Variants in DAPK1 observed in about 807,000 individuals in gnomAD.
DAPK1 encodes the protein death-associated protein kinase 1.
DAPK1 carries 56 observed loss-of-function variants against 144.9 expected under a neutral mutation model. That is an observed-to-expected ratio of 0.39 (90% CI 0.31 to 0.48). The LOEUF is 0.48. Among genes scored for constraint, DAPK1 ranks in the 20% least tolerant of loss-of-function variants. The pLI, the probability that DAPK1 is intolerant of heterozygous loss-of-function variation, is 0.95. For missense variants in DAPK1, 1,454 were observed against 1,875.4 expected (o/e 0.78, Z 4.15); for synonymous variants, 690 against 749.0 (o/e 0.92, Z 1.29).
intron 2 of DAPK1, among the ~76,000 whole-genome samples, chr9:87,536,302 G>A (rs1045047): frequency 0.049 from 7,482 of 152,210 alleles, 614 homozygotes; most frequent in African/African-American, 0.17. Flanking sequence ...ATGGGCGAGG[G>A]TAGAAGGTGT....
intron 3 of DAPK1, among the ~76,000 whole-genome samples, chr9:87,610,927 A>G (rs11141912): frequency 0.1 from 15,823 of 152,282 alleles, 1,033 homozygotes; most frequent in South Asian, 0.24. Flanking sequence ...CTTGTACACA[A>G]TCCAAATTCT....
intron 2 of DAPK1, among the ~76,000 whole-genome samples, chr9:87,531,059 GTATC>G (rs1252252830): frequency 6.6e-6 from 1 of 152,196 alleles, no homozygotes; most frequent in South Asian, 2.1e-4. Flanking sequence ...ATATTTTAAA[GTATC>G]TATCTAATTC....
intron 19 of DAPK1, among the ~76,000 whole-genome samples, chr9:87,671,981 T>A (rs907945381): frequency 6.6e-6 from 1 of 152,218 alleles, no homozygotes; most frequent in African/African-American, 2.4e-5. Context: ...TCCGCCACGC[T>A]CTAGCTAGGT....
intron 18 of DAPK1, among the ~76,000 whole-genome samples, chr9:87,660,772 C>T (rs1043211684): frequency 1.3e-5 from 2 of 152,224 alleles, no homozygotes; most frequent in Non-Finnish European, 2.9e-5. Context: ...CTTAGCATAA[C>T]GGCCTCCATT....
At chr9:87,575,720 C>T (rs1352594714) in intron 2 of DAPK1, among the ~76,000 whole-genome samples, 1 of 152,188 alleles carries the variant, frequency 6.6e-6, no homozygotes, top group African/African-American at 2.4e-5. Context: ...TGAACGTTAT[C>T]TCTCCCTCCC....
intron 2 of DAPK1, among the ~76,000 whole-genome samples, chr9:87,555,907 A>G (rs187144312): frequency 7.9e-5 from 12 of 152,368 alleles, no homozygotes; most frequent in African/African-American, 2.9e-4. Flanking sequence ...TATCAATATG[A>G]TTAAACAATT....
Position 87,504,086 on chromosome 9 carries a change from G to T in DAPK1, c.62+4947G>T, listed in dbSNP as rs552118360. ...CTCATAGAAGGGGAGAGACTTTCTG[G>T]CATGTTTTTTCTTCAGAAATGGGAA... On this transcript the variant is annotated intron_variant, in intron 2 of 25. Transcript: ENST00000408954. Among the ~76,000 whole-genome samples, 5 of 152,076 alleles carry T rather than the reference G, an allele frequency of 3.3e-5. No homozygotes were observed. The South Asian group carries it at 8.3e-4, about 25-fold the overall frequency.
At chr9:87,505,482 G>A (rs925606076) in intron 2 of DAPK1, among the ~76,000 whole-genome samples, 4 of 152,046 alleles carry the variant, frequency 2.6e-5, no homozygotes, top group Non-Finnish European at 4.4e-5. Flanking sequence ...TGCAACCTCC[G>A]CCCTCTGGGT....
At chr9:87,544,729 A>G (rs1432137559) in intron 2 of DAPK1, among the ~76,000 whole-genome samples, 1 of 152,208 alleles carries the variant, frequency 6.6e-6, no homozygotes, top group Non-Finnish European at 1.5e-5. Context: ...AAGACTTCAA[A>G]CTGGGAACAA....
chr9:87,581,345 A>G (rs1399811848), intron 2 of DAPK1, among the ~76,000 whole-genome samples: 2 of 152,178 alleles, frequency 1.3e-5, no homozygotes, highest in African/African-American at 2.4e-5. Flanking sequence ...TTAAGTAAAT[A>G]GGCAAATAAA....
intron 19 of DAPK1, among the ~76,000 whole-genome samples, chr9:87,678,476 C>T (rs1564066003): frequency 6.6e-6 from 1 of 152,228 alleles, no homozygotes; most frequent in Non-Finnish European, 1.5e-5. Context: ...GCAGCTCCAG[C>T]ACCACAGCAG....
intron 2 of DAPK1, among the ~76,000 whole-genome samples, chr9:87,563,467 G>A (rs1223458978): frequency 6.6e-6 from 1 of 152,190 alleles, no homozygotes; most frequent in African/African-American, 2.4e-5. Context: ...CCTCCCTGTT[G>A]CATCTTGGCT....
chr9:87,607,077 A>T (rs1271232809), intron 3 of DAPK1, among the ~76,000 whole-genome samples: 6 of 149,080 alleles, frequency 4.0e-5, no homozygotes, highest in Non-Finnish European at 8.8e-5. Flanking sequence ...GTAACTGAGA[A>T]CTCTGGCTTT....
chr9:87,646,599 A>G (rs1279503632), intron 13 of DAPK1, 40 bp downstream of exon 13: 2 of 1,513,130 alleles, frequency 1.3e-6, no homozygotes, highest in Admixed American at 1.7e-5. Flanking sequence ...ATTTTAAAGT[A>G]TTTTCAAGTG....
intron 21 of DAPK1, among the ~76,000 whole-genome samples, chr9:87,690,137 C>G (rs375146183): frequency 1.3e-5 from 2 of 152,062 alleles, no homozygotes; most frequent in Non-Finnish European, 2.9e-5. Flanking sequence ...AATATATGAC[C>G]ACAGCATGTA....
At chr9:87,675,895 A>ACACACC (rs1179826339) in intron 19 of DAPK1, among the ~76,000 whole-genome samples, 73 of 132,896 alleles carry the variant, frequency 5.5e-4, no homozygotes, top group Non-Finnish European at 7.5e-4. Context: ...ACACACACAC[A>ACACACC]CCCTTATGAC....
intron 14 of DAPK1, among the ~76,000 whole-genome samples, chr9:87,647,697 T>C (rs1830318673): frequency 6.6e-6 from 1 of 152,194 alleles, no homozygotes; most frequent in Non-Finnish European, 1.5e-5. Context: ...GAGACCTCGG[T>C]CTCGATTCGA....
chr9:87,501,278 T>C (rs1317551906), intron 2 of DAPK1, among the ~76,000 whole-genome samples: 1 of 152,212 alleles, frequency 6.6e-6, no homozygotes, highest in African/African-American at 2.4e-5. Context: ...CCAGCACTTT[T>C]GGGAGGCTGA....
At chr9:87,672,480 C>T (rs1000214548) in intron 19 of DAPK1, among the ~76,000 whole-genome samples, 3 of 152,140 alleles carry the variant, frequency 2.0e-5, no homozygotes, top group Admixed American at 2.0e-4. Context: ...GGGATATGTC[C>T]TTTCCACACT....
Sources: allele counts gnomAD v4.1 joint callset (sites outside exome capture counted in the v4.1 genomes callset), GRCh38; gene constraint gnomAD v4.1.1; transcripts MANE v1.5; gene names NCBI Gene and HGNC (gene_info 2026-07-23, HGNC 2026-07-21).